Variants in TENM1 observed in about 807,000 individuals in gnomAD.
TENM1 encodes the protein teneurin transmembrane protein 1, also known as teneurin-1.
Under a neutral mutation model 174.8 loss-of-function variants are expected in TENM1, and 35 were observed. The ratio of observed to expected loss-of-function variants is 0.20; its 90% CI spans 0.15 to 0.27. TENM1 has a LOEUF of 0.27. Ranked by LOEUF, TENM1 falls within the 10% of genes least tolerant of loss-of-function variation. The probability of loss-of-function intolerance (pLI) is 1.00; values close to 1 mark genes in which losing one functional copy is unlikely to be tolerated. For synonymous variants in TENM1, 781 were observed against 798.7 expected, an observed-to-expected ratio of 0.98 and a Z score of 0.37; for missense variants, 1,633 against 2,130.1, an observed-to-expected ratio of 0.77 and a Z score of 4.59.
At chrX:124,879,926 T>C (rs2057275197) in intron 3 of TENM1, among the ~76,000 whole-genome samples, 1 of 112,257 alleles carries the variant, frequency 8.9e-6, no homozygotes, top group South Asian at 3.7e-4. Context: ...TTTATACCAA[T>C]ACCATGCTGT....
the TENM1 span, among the ~76,000 whole-genome samples, chrX:125,024,716 T>C: frequency 5.4e-5 from 6 of 111,674 alleles, no homozygotes; most frequent in South Asian, 7.5e-4. Context: ...ATATTATCCA[T>C]GTAACAGAAC....
chrX:124,726,670 ATT>A (rs773618885), intron 4 of TENM1, among the ~76,000 whole-genome samples: 1,763 of 111,256 alleles, frequency 0.016, 37 homozygotes, highest in African/African-American at 0.055. Flanking sequence ...ACATTTTGAG[ATT>A]TTTTTTCTCC....
the TENM1 span, among the ~76,000 whole-genome samples, chrX:125,006,062 C>T: frequency 8.9e-6 from 1 of 111,768 alleles, no homozygotes; most frequent in Non-Finnish European, 1.9e-5. Flanking sequence ...GGGAGCCAAG[C>T]GGTCTTGCTC....
the TENM1 span, among the ~76,000 whole-genome samples, chrX:125,100,256 G>A: frequency 8.9e-6 from 1 of 112,001 alleles, no homozygotes; most frequent in Non-Finnish European, 1.9e-5. Context: ...GTGCCAAGTA[G>A]AAATGAATTT....
chrX:124,715,779 C>T (rs1045954532), intron 4 of TENM1, among the ~76,000 whole-genome samples: 23 of 110,281 alleles, frequency 2.1e-4, no homozygotes, highest in African/African-American at 6.3e-4. Context: ...CTCAGACTCC[C>T]GTTCAACTTC....
chrX:124,668,080 T>A (rs2051818246), intron 6 of TENM1, among the ~76,000 whole-genome samples: 1 of 112,289 alleles, frequency 8.9e-6, no homozygotes, highest in East Asian at 2.8e-4. Context: ...TGTCTGTTCA[T>A]ATCCTTCACC....
chrX:124,674,938 A>G (rs1009691866), intron 5 of TENM1, among the ~76,000 whole-genome samples: 3 of 111,788 alleles, frequency 2.7e-5, no homozygotes, highest in Admixed American at 9.5e-5. Flanking sequence ...GCTATTTTAT[A>G]TACTTTAAGT....
At chrX:124,852,640 A>C (rs2056743552) in intron 3 of TENM1, among the ~76,000 whole-genome samples, 1 of 111,287 alleles carries the variant, frequency 9.0e-6, no homozygotes, top group South Asian at 3.7e-4. Flanking sequence ...GTAGATATCC[A>C]ATATGCAGTT....
intron 28 of TENM1, among the ~76,000 whole-genome samples, chrX:124,390,419 T>C (rs1035680991): frequency 8.9e-6 from 1 of 112,397 alleles, no homozygotes; most frequent in African/African-American, 3.2e-5. Context: ...TGTATACATG[T>C]GCCATGCTGG....
At chrX:125,131,881 T>C in the TENM1 span, among the ~76,000 whole-genome samples, 2 of 111,902 alleles carry the variant, frequency 1.8e-5, no homozygotes, top group East Asian at 2.8e-4. Flanking sequence ...AAAATTCATG[T>C]AAATGAGGTG....
chrX:125,048,229 T>C, the TENM1 span, among the ~76,000 whole-genome samples: 4 of 106,452 alleles, frequency 3.8e-5, no homozygotes, highest in Non-Finnish European at 7.7e-5. Flanking sequence ...GTTTAAATGA[T>C]GCTGTTTCGA....
chrX:124,409,367 C>T (rs1484973768), intron 25 of TENM1, among the ~76,000 whole-genome samples: 10 of 107,925 alleles, frequency 9.3e-5, no homozygotes, highest in African/African-American at 3.4e-4. Flanking sequence ...ATTGATGGGA[C>T]GTATCTCAAA....
At chrX:125,200,383 G>C in the TENM1 span, among the ~76,000 whole-genome samples, 5 of 110,432 alleles carry the variant, frequency 4.5e-5, no homozygotes, top group African/African-American at 1.6e-4. Context: ...TCCAGTCGTG[G>C]GTATATGCTG....
At chrX:124,807,630 T>C (rs1433334692) in intron 3 of TENM1, among the ~76,000 whole-genome samples, 2 of 111,419 alleles carry the variant, frequency 1.8e-5, no homozygotes, top group Non-Finnish European at 3.8e-5. Context: ...TACAATAACC[T>C]GTTAAGTGGT....
chrX:125,019,634 G>A, the TENM1 span, among the ~76,000 whole-genome samples: 2 of 110,584 alleles, frequency 1.8e-5, no homozygotes, highest in South Asian at 3.8e-4. Context: ...GTAATAAAAT[G>A]AGCCATTTGG....
chrX:124,777,714 T>C (rs1415189492), intron 3 of TENM1, among the ~76,000 whole-genome samples: 7 of 112,631 alleles, frequency 6.2e-5, no homozygotes, highest in Non-Finnish European at 7.5e-5. Flanking sequence ...TTCCTGATGA[T>C]AATTAACATT....
the TENM1 span, among the ~76,000 whole-genome samples, chrX:125,104,745 GA>G: frequency 4.9e-3 from 526 of 107,299 alleles, 3 homozygotes; most frequent in Non-Finnish European, 8.1e-3. Flanking sequence ...CAACTAGAAA[GA>G]AAAAAAAATA....
chrX:124,382,412 C>T (rs1418355479), intron 31 of TENM1, among the ~76,000 whole-genome samples: 1 of 111,257 alleles, frequency 9.0e-6, no homozygotes, highest in East Asian at 2.8e-4. Context: ...TTTTAAAGTA[C>T]AGTTCCTCTT....
At chrX:124,750,322 C>A (rs2054031493) in intron 3 of TENM1, among the ~76,000 whole-genome samples, 1 of 111,116 alleles carries the variant, frequency 9.0e-6, no homozygotes, top group South Asian at 3.8e-4. Flanking sequence ...AGTGGCTAAT[C>A]ATTTCTGGGG....
Sources: gnomAD v4.1 joint callset for allele counts (sites outside exome capture counted in the v4.1 genomes callset) on GRCh38, gnomAD v4.1.1 for gene constraint, MANE v1.5 for transcripts, NCBI Gene and HGNC (gene_info 2026-07-23, HGNC 2026-07-21) for gene names.